TSFM: variants seen among roughly 807,000 people sequenced by gnomAD.
The protein encoded by TSFM is elongation factor Ts, mitochondrial.
Under a neutral mutation model 33.4 loss-of-function variants are expected in TSFM, and 29 were observed. The ratio of observed to expected loss-of-function variants is 0.87; its 90% CI spans 0.65 to 1.18. The LOEUF is 1.18. Among genes scored for constraint, TSFM ranks in the 50% most tolerant of loss-of-function variants. The probability of loss-of-function intolerance (pLI) is 0.00; values close to 1 mark genes in which losing one functional copy is unlikely to be tolerated. For synonymous variants in TSFM, 178 were observed against 163.5 expected, an observed-to-expected ratio of 1.09 and a Z score of -0.68; for missense variants, 394 against 395.6, an observed-to-expected ratio of 1.00 and a Z score of 0.04.
chr12:57,793,707 T>C (rs534702438), intron 5 of TSFM, among the ~76,000 whole-genome samples: 1 of 152,214 alleles, frequency 6.6e-6, no homozygotes, highest in Non-Finnish European at 1.5e-5. Flanking sequence ...AAAATTATTT[T>C]CATCACTGTG....
chr12:57,799,703 G>T, downstream of TSFM: 1 of 1,554,184 alleles, frequency 6.4e-7, no homozygotes. Context: ...CGGCTACAAT[G>T]TGCCGGAGCT....
chr12:57,796,996 A>C lies in TSFM; in HGVS notation c.*413A>C. Reference sequence around the variant, plus strand: ...TCCCTAGTTATATTACTTGTGCCACATGGATTTCTTTAGGATTATTGATTC... The same window carrying C: ...TCCCTAGTTATATTACTTGTGCCACCTGGATTTCTTTAGGATTATTGATTC... On this transcript the variant is annotated 3_prime_UTR_variant, in exon 6 of 6. Coordinates refer to ENST00000652027, the MANE Select transcript of TSFM (RefSeq NM_005726.6). 1 of 986,312 alleles carries C rather than the reference A, an allele frequency of 1.0e-6. No homozygotes were observed. Among genetic ancestry groups the C allele is most frequent in the Non-Finnish European group, 1.2e-6 (1 of 830,562 alleles). 61.1% of individuals were successfully genotyped at this position (986,312 alleles called of 1,614,324 possible). A position where few individuals can be genotyped will look rare whatever the true frequency, so the allele number is the denominator to read the frequency against.
intron 5 of TSFM, among the ~76,000 whole-genome samples, chr12:57,793,496 A>G (rs1338020447): frequency 6.6e-6 from 1 of 152,198 alleles, no homozygotes; most frequent in African/African-American, 2.4e-5. Flanking sequence ...TGCTGGGATT[A>G]CAGGCGTGAG....
rs957816721 is a variant in TSFM at position 57,797,312 on chromosome 12, AT to A, written c.*732del. 5.1e-6 allele frequency: 5 copies of A among 985,262 alleles called. No individual in the cohort carries two copies. The highest frequency in any genetic ancestry group is 1.7e-5 in the African/African-American group (1 of 57,212). 61.0% of individuals were successfully genotyped at this position (985,262 alleles called of 1,614,324 possible). On this transcript the variant is annotated 3_prime_UTR_variant, in exon 6 of 6. Transcript: ENST00000652027. ...CTCTTTACTTCCCCAGTACTGAAAC[AT>A]TTCTTCAAGTATAACATAAAATTAC... is the stretch of plus-strand genomic sequence containing the variant.
At chr12:57,792,704 C>G (rs911224277) in intron 4 of TSFM, among the ~76,000 whole-genome samples, 1 of 151,992 alleles carries the variant, frequency 6.6e-6, no homozygotes, top group Non-Finnish European at 1.5e-5. Context: ...GCGATTCTCA[C>G]GTCTCAGGCT....
downstream of TSFM, among the ~76,000 whole-genome samples, chr12:57,801,653 T>C (rs1422382306): frequency 2.0e-5 from 3 of 152,064 alleles, no homozygotes; most frequent in African/African-American, 4.8e-5. Flanking sequence ...GGCAGGAGAA[T>C]TGCTTGAACC....
downstream of TSFM, chr12:57,801,494 C>G (rs1164243123): frequency 4.1e-6 from 1 of 244,126 alleles, no homozygotes; most frequent in South Asian, 5.4e-5. Context: ...AATCCCAGCA[C>G]TTTGGGAGGC....
At chr12:57,784,624 A>C (rs1384187021) in intron 2 of TSFM, among the ~76,000 whole-genome samples, 1 of 152,002 alleles carries the variant, frequency 6.6e-6, no homozygotes, top group African/African-American at 2.4e-5. Flanking sequence ...CATGCCTGTA[A>C]TCTCAGAACT....
intron 5 of TSFM, 59 bp from the exon 6 acceptor site, chr12:57,796,118 G>A: frequency 2.0e-6 from 3 of 1,470,418 alleles, no homozygotes; most frequent in South Asian, 2.8e-5. Context: ...GCATATTTTG[G>A]TACCATCACA....
At chr12:57,785,357 G>C (rs1352721619) in intron 2 of TSFM, among the ~76,000 whole-genome samples, 2 of 152,190 alleles carry the variant, frequency 1.3e-5, no homozygotes, top group African/African-American at 4.8e-5. Context: ...CCTGCTGGAA[G>C]GTCTTCAGGG....
intron 2 of TSFM, among the ~76,000 whole-genome samples, chr12:57,784,396 A>G (rs550566435): frequency 6.6e-6 from 1 of 152,318 alleles, no homozygotes; most frequent in African/African-American, 2.4e-5. Flanking sequence ...TTACATTTAT[A>G]AGAAATTTTT....
At chr12:57,802,296 A>G (rs1298673427), downstream of TSFM, 1 of 1,614,074 alleles carries the variant, frequency 6.2e-7, no homozygotes, top group East Asian at 2.2e-5. Context: ...TGCTGTGGCA[A>G]GGGCACTCTC....
intron 2 of TSFM, chr12:57,783,518 T>C: frequency 1.5e-6 from 1 of 688,508 alleles, no homozygotes; most frequent in South Asian, 1.5e-5. Context: ...TGCCTGGAGC[T>C]GAAAGGGTTT....
downstream of TSFM, chr12:57,801,183 T>C: frequency 6.2e-7 from 1 of 1,613,702 alleles, no homozygotes; most frequent in South Asian, 1.1e-5. Flanking sequence ...CTCCCAGCTC[T>C]TCTTTTAATT....
At position 57,785,137 on chromosome 12, in the gene TSFM, A is replaced by G. The variant is rs566795746; in HGVS notation, c.232-1026A>G. On this transcript the variant is annotated intron_variant, in intron 2 of 5. Coordinates refer to ENST00000652027, the MANE Select transcript of TSFM (RefSeq NM_005726.6). ...GAGACAGGGTTTCACCGTGTTAGCC[A>G]GGATGGTCTCGATCTCCTGACCTTG... Among the ~76,000 whole-genome samples the G allele has an allele frequency of 3.9e-4, 59 of 152,142 alleles. 1 individual carries two copies. The South Asian group carries it at 0.011, about 28-fold the overall frequency.
rs889918102 is a variant in TSFM, at chr12:57,796,439, G to C, written c.834G>C (p.Glu278Asp). The C allele has an allele frequency of 1.7e-5, 27 of 1,601,576 alleles. No homozygotes were observed. The highest frequency in any genetic ancestry group is 2.0e-5 in the Non-Finnish European group (23 of 1,173,890). The change falls in exon 6 of 6, where the codon GAG becomes GAC. Residue 278 changes from glutamate to aspartate, a missense_variant. This residue lies in a region of TSFM where 186 missense variants were observed against 198.8 expected (regional missense o/e 0.94). Transcript: ENST00000652027. The part of the protein sequence containing the change: ...VGSLDDEPGG[E>D]AETKMLSQPY... ...CCCTGGACGATGAGCCTGGGGGAGA[G>C]GCAGAGACTAAGATGCTGTCCCAGC...
downstream of TSFM, chr12:57,799,781 C>T (rs749263051): frequency 1.9e-4 from 305 of 1,613,490 alleles, no homozygotes; most frequent in Non-Finnish European, 2.3e-4. Context: ...GACACAGTTC[C>T]TTCAGCCACT....
Position 57,793,050 on chromosome 12 carries a change from A to G in TSFM, c.548A>G (p.Lys183Arg), listed in dbSNP as rs1477526508. 1.9e-6 allele frequency: 3 copies of G among 1,613,726 alleles called. No individual in the cohort carries two copies. Among genetic ancestry groups the G allele is most frequent in the East Asian group, 2.2e-5 (1 of 44,874 alleles). The change falls in exon 5 of 6, where the codon AAG (lysine) becomes AGG (arginine). Residue 183 changes from lysine to arginine, a missense_variant. Physicochemically the swap from Lys to Arg is conservative, Grantham distance 26. Around this residue, in one of 3 missense-constraint regions of TSFM, gnomAD observed 186 missense variants for 198.8 expected, o/e 0.94. Coordinates refer to ENST00000652027, the MANE Select transcript of TSFM (RefSeq NM_005726.6). ...PAGPDREGSL[K>R]DQLALAIGKL... ...GGGCCTGACAGAGAAGGCTCACTCA[A>G]GGATCAGTTGGCTTTAGCAATTGGT...
At chr12:57,799,306 G>A (rs1441490664), downstream of TSFM, among the ~76,000 whole-genome samples, 2 of 152,208 alleles carry the variant, frequency 1.3e-5, no homozygotes, top group Non-Finnish European at 2.9e-5. Context: ...CAAAGCAGCC[G>A]CTGTACTGGC....
Sources: allele counts gnomAD v4.1 joint callset (sites outside exome capture counted in the v4.1 genomes callset), GRCh38; gene constraint gnomAD v4.1.1; regional missense constraint gnomAD v4.1.1; transcripts MANE v1.5; gene names NCBI Gene and HGNC (gene_info 2026-07-23, HGNC 2026-07-21).